Variants in DLG2 observed in about 807,000 individuals in gnomAD.
The protein encoded by DLG2 is disks large homolog 2.
In DLG2, 45 loss-of-function variants were observed where a neutral mutation model predicts 132.5. The observed-to-expected ratio is 0.34, with a 90% CI of 0.27 to 0.44. The LOEUF is 0.44. Ranked by LOEUF, DLG2 falls within the 20% of genes least tolerant of loss-of-function variation. The pLI is 1.00. For synonymous variants in DLG2, 424 were observed against 419.6 expected, an observed-to-expected ratio of 1.01 and a Z score of -0.13; for missense variants, 1,045 against 1,196.9, an observed-to-expected ratio of 0.87 and a Z score of 1.87.
intron 6 of DLG2, among the ~76,000 whole-genome samples, chr11:85,095,559 A>G (rs377241907): frequency 2.1e-4 from 32 of 152,150 alleles, no homozygotes; most frequent in African/African-American, 7.0e-4. Flanking sequence ...TGAAAAAAAA[A>G]TACTTTCCTT....
At chr11:85,427,462 G>T (rs1199853226) in intron 3 of DLG2, among the ~76,000 whole-genome samples, 1 of 152,122 alleles carries the variant, frequency 6.6e-6, no homozygotes, top group Non-Finnish European at 1.5e-5. Flanking sequence ...AGAGAGTGGG[G>T]GCCAATATTC....
intron 6 of DLG2, among the ~76,000 whole-genome samples, chr11:84,553,887 C>T (rs1304646194): frequency 6.6e-6 from 1 of 152,138 alleles, no homozygotes; most frequent in African/African-American, 2.4e-5. Context: ...GGGGAATATT[C>T]AATTAAAATT....
At chr11:83,971,770 T>C (rs894828062) in intron 12 of DLG2, among the ~76,000 whole-genome samples, 2 of 152,138 alleles carry the variant, frequency 1.3e-5, no homozygotes, top group Admixed American at 1.3e-4. Flanking sequence ...CAATCCAATG[T>C]AGTAATGCCA....
At chr11:84,351,772 G>T (rs1468715224) in intron 7 of DLG2, among the ~76,000 whole-genome samples, 2 of 152,170 alleles carry the variant, frequency 1.3e-5, no homozygotes, top group East Asian at 3.9e-4. Context: ...GACTTAAAAG[G>T]ACCTTGCTTC....
chr11:85,362,960 G>A (rs541236810), intron 3 of DLG2, among the ~76,000 whole-genome samples: 10 of 152,246 alleles, frequency 6.6e-5, no homozygotes, highest in Non-Finnish European at 1.0e-4. Flanking sequence ...CAGGACTAAA[G>A]GTAGAGCTGG....
intron 21 of DLG2, among the ~76,000 whole-genome samples, chr11:83,505,432 G>A (rs747825467): frequency 1.3e-5 from 2 of 152,264 alleles, no homozygotes; most frequent in East Asian, 3.9e-4. Context: ...GGTGGCTGGG[G>A]AAAAAGACTG....
chr11:85,625,591 T>A (rs1394528901), intron 2 of DLG2, among the ~76,000 whole-genome samples: 1 of 152,138 alleles, frequency 6.6e-6, no homozygotes, highest in Non-Finnish European at 1.5e-5. Context: ...CCCTAACAAA[T>A]CCACAGGTAG....
At chr11:85,402,990 A>T (rs1008961579) in intron 3 of DLG2, among the ~76,000 whole-genome samples, 1 of 152,050 alleles carries the variant, frequency 6.6e-6, no homozygotes, top group Admixed American at 6.6e-5. Context: ...TCCCATTACT[A>T]GGTATATACC....
intron 11 of DLG2, among the ~76,000 whole-genome samples, chr11:83,989,427 T>C (rs1024105462): frequency 2.0e-5 from 3 of 152,170 alleles, no homozygotes; most frequent in Admixed American, 1.3e-4. Context: ...AACTGTCAGG[T>C]TGTTGGGAAA....
intron 6 of DLG2, among the ~76,000 whole-genome samples, chr11:84,696,676 A>C (rs1388917296): frequency 6.6e-6 from 1 of 151,480 alleles, no homozygotes; most frequent in Non-Finnish European, 1.5e-5. Context: ...GCACTTTGTT[A>C]TGTCTACCAT....
intron 3 of DLG2, among the ~76,000 whole-genome samples, chr11:85,532,138 T>A (rs182292101): frequency 6.6e-6 from 1 of 152,342 alleles, no homozygotes; most frequent in Non-Finnish European, 1.5e-5. Context: ...GGTTCTCACT[T>A]ACATAGTCCT....
At chr11:85,297,536 T>G (rs2079311718) in intron 3 of DLG2, among the ~76,000 whole-genome samples, 1 of 152,200 alleles carries the variant, frequency 6.6e-6, no homozygotes, top group Non-Finnish European at 1.5e-5. Flanking sequence ...TGGAAAATAG[T>G]AATGTTTCTT....
At chr11:84,723,319 G>C (rs1210645140) in intron 6 of DLG2, among the ~76,000 whole-genome samples, 1 of 152,146 alleles carries the variant, frequency 6.6e-6, no homozygotes, top group Non-Finnish European at 1.5e-5. Flanking sequence ...CCATTTTACA[G>C]TTTGTGCTAG....
At chr11:84,511,140 A>G (rs976174958) in intron 7 of DLG2, among the ~76,000 whole-genome samples, 4 of 152,128 alleles carry the variant, frequency 2.6e-5, no homozygotes, top group African/African-American at 9.7e-5. Flanking sequence ...GAGTGCTGGG[A>G]AAATGATAAT....
chr11:85,558,336 T>G (rs1444562211), intron 3 of DLG2, among the ~76,000 whole-genome samples: 1 of 151,978 alleles, frequency 6.6e-6, no homozygotes, highest in Non-Finnish European at 1.5e-5. Flanking sequence ...GAAAAGGGAA[T>G]GCTTATACAC....
At chr11:84,398,643 C>T (rs2098819090) in intron 7 of DLG2, among the ~76,000 whole-genome samples, 1 of 152,040 alleles carries the variant, frequency 6.6e-6, no homozygotes, top group Admixed American at 6.6e-5. Flanking sequence ...GGTGATATCC[C>T]CAAGTATTTT....
chr11:84,359,714 T>C (rs1567398320), intron 7 of DLG2, among the ~76,000 whole-genome samples: 1 of 151,880 alleles, frequency 6.6e-6, no homozygotes, highest in Non-Finnish European at 1.5e-5. Flanking sequence ...TTCCTATCAA[T>C]GAGTGAGGGA....
chr11:84,868,030 C>T (rs1049531788), intron 6 of DLG2, among the ~76,000 whole-genome samples: 7 of 151,240 alleles, frequency 4.6e-5, no homozygotes, highest in South Asian at 2.1e-4. Context: ...GCTGAGATCG[C>T]GCCACTGCAC....
At chr11:83,806,979 A>C (rs114070020) in intron 17 of DLG2, among the ~76,000 whole-genome samples, 2,040 of 152,312 alleles carry the variant, frequency 0.013, 54 homozygotes, top group African/African-American at 0.046. Context: ...GCCATCTTGA[A>C]TGTGGACTTT....
Sources: allele counts gnomAD v4.1 joint callset (sites outside exome capture counted in the v4.1 genomes callset), GRCh38; gene constraint gnomAD v4.1.1; transcripts MANE v1.5; gene names NCBI Gene and HGNC (gene_info 2026-07-23, HGNC 2026-07-21).